Variants in ATRX observed in about 807,000 individuals in gnomAD.
ATRX encodes chromatin remodeler ATRX.
Under a neutral mutation model 172.6 loss-of-function variants are expected in ATRX, and 12 were observed. The ratio of observed to expected loss-of-function variants is 0.07; its 90% CI spans 0.04 to 0.11. The LOEUF (loss-of-function observed/expected upper bound fraction) is 0.11, where lower values mean the gene tolerates loss of function less well. Ranked by LOEUF, ATRX falls within the 10% of genes least tolerant of loss-of-function variation. The probability of loss-of-function intolerance (pLI) is 1.00; values close to 1 mark genes in which losing one functional copy is unlikely to be tolerated. For missense variants in ATRX, 1,368 were observed against 1,767.4 expected, an observed-to-expected ratio of 0.77 and a Z score of 4.05; for synonymous variants, 674 against 594.7, an observed-to-expected ratio of 1.13 and a Z score of -1.94.
At chrX:77,595,560 T>C (rs970965977) in intron 25 of ATRX, 3 of 111,378 alleles carry the variant, frequency 2.7e-5, no homozygotes, top group Non-Finnish European at 5.7e-5. Flanking sequence ...GTCGATGGGA[T>C]TGTAAACTTT....
intron 27 of ATRX, among the ~76,000 whole-genome samples, chrX:77,579,134 C>T (rs1244295116): frequency 6.2e-5 from 7 of 112,670 alleles, no homozygotes; most frequent in Non-Finnish European, 1.3e-4. Flanking sequence ...TAGAATAAAG[C>T]ACTAGGTATA....
intron 7 of ATRX, 98 bp downstream of exon 7, chrX:77,688,720 C>T: frequency 1.4e-6 from 1 of 697,657 alleles, no homozygotes; most frequent in Admixed American, 2.3e-5. Flanking sequence ...AGGGCAGATA[C>T]CATTTTCATC....
intron 22 of ATRX, chrX:77,615,913 G>T: frequency 1.4e-6 from 1 of 733,158 alleles, no homozygotes; most frequent in Non-Finnish European, 1.6e-6. Context: ...TTTGGGGAAA[G>T]GTACCAGAAT....
chrX:77,647,436 G>T (rs551536629), intron 15 of ATRX, among the ~76,000 whole-genome samples: 1 of 111,677 alleles, frequency 9.0e-6, no homozygotes, highest in East Asian at 2.8e-4. Flanking sequence ...CGAATAAAAT[G>T]GTTGATGGAT....
At chrX:77,772,708 CTT>C (rs782292856) in intron 1 of ATRX, among the ~76,000 whole-genome samples, 13 of 109,070 alleles carry the variant, frequency 1.2e-4, no homozygotes, top group Non-Finnish European at 2.1e-4. Flanking sequence ...GTCTCCATCT[CTT>C]GACCTCGTGA....
intron 1 of ATRX, among the ~76,000 whole-genome samples, chrX:77,738,101 G>A (rs2074680417): frequency 2.7e-5 from 3 of 110,876 alleles, no homozygotes; most frequent in African/African-American, 9.8e-5. Flanking sequence ...TAGGGAGGCT[G>A]AGGTGGGAAG....
intron 12 of ATRX, among the ~76,000 whole-genome samples, chrX:77,662,936 C>G (rs1489443623): frequency 8.9e-6 from 1 of 111,858 alleles, no homozygotes; most frequent in Non-Finnish European, 1.9e-5. Flanking sequence ...ACCTTGTGAT[C>G]CACCCGACTT....
At chrX:77,521,659 A>G (rs1200677345) in intron 32 of ATRX, 161 bp from the exon 33 acceptor site, 2 of 412,098 alleles carry the variant, frequency 4.9e-6, no homozygotes, top group Non-Finnish European at 8.5e-6. Context: ...GGAGTAAACC[A>G]TATCAATGCT....
intron 23 of ATRX, 106 bp downstream of exon 23, chrX:77,600,328 T>C (rs1367921566): frequency 5.4e-6 from 5 of 931,525 alleles, no homozygotes; most frequent in African/African-American, 3.9e-5. Flanking sequence ...AGACATAGAA[T>C]AGAACAAAGC....
intron 1 of ATRX, among the ~76,000 whole-genome samples, chrX:77,776,978 C>G (rs1215261843): frequency 9.1e-6 from 1 of 110,374 alleles, no homozygotes; most frequent in Non-Finnish European, 1.9e-5. Context: ...TTGTGGGCTA[C>G]TAGGTCTCTG....
At position 77,616,609 on chromosome X, in the gene ATRX, T is replaced by C. The variant is rs1424051853; in HGVS notation, c.5566+4A>G. On this transcript the variant is annotated splice_donor_region_variant and intron_variant, in intron 22 of 34. Transcript: ENST00000373344. ...AGATGAAATCAACAAGGTGTATTGT[T>C]TACCTGTTAAGTGATCTAAGTAGTA... 1 of 1,166,204 alleles carries C rather than the reference T, an allele frequency of 8.6e-7. No individual in the cohort carries two copies. Among genetic ancestry groups the C allele is most frequent in the Non-Finnish European group, 1.2e-6 (1 of 855,324 alleles).
At chrX:77,632,155 T>C (rs2068136987) in intron 19 of ATRX, among the ~76,000 whole-genome samples, 1 of 110,796 alleles carries the variant, frequency 9.0e-6, no homozygotes, top group Non-Finnish European at 1.9e-5. Flanking sequence ...TGCACCACCA[T>C]GCCCGGCCAA....
intron 1 of ATRX, among the ~76,000 whole-genome samples, chrX:77,743,110 T>G (rs1268609217): frequency 9.0e-6 from 1 of 110,734 alleles, no homozygotes; most frequent in Non-Finnish European, 1.9e-5. Context: ...CCCCCAGGAT[T>G]TGAGCACGAT....
At chrX:77,721,596 T>C (rs2073772942) in intron 1 of ATRX, among the ~76,000 whole-genome samples, 1 of 111,175 alleles carries the variant, frequency 9.0e-6, no homozygotes. Flanking sequence ...ATAAAATACC[T>C]AGGAATACAA....
At chrX:77,669,811 G>T (rs1489873704) in intron 10 of ATRX, among the ~76,000 whole-genome samples, 4 of 110,196 alleles carry the variant, frequency 3.6e-5, no homozygotes, top group Non-Finnish European at 3.8e-5. Context: ...CAATCATTCT[G>T]CCTCGGTATC....
intron 19 of ATRX, among the ~76,000 whole-genome samples, chrX:77,631,549 C>T (rs1044299349): frequency 9.0e-6 from 1 of 110,948 alleles, no homozygotes; most frequent in African/African-American, 3.3e-5. Context: ...TCATGTACCC[C>T]CGATATGAGA....
At chrX:77,742,006 C>A (rs969035504) in intron 1 of ATRX, among the ~76,000 whole-genome samples, 4 of 111,043 alleles carry the variant, frequency 3.6e-5, no homozygotes, top group Non-Finnish European at 5.7e-5. Flanking sequence ...GTTCCATGTA[C>A]ATATAGAGGG....
chrX:77,771,667 G>A (rs1315181963), intron 1 of ATRX, among the ~76,000 whole-genome samples: 1 of 110,582 alleles, frequency 9.0e-6, no homozygotes, highest in African/African-American at 3.3e-5. Flanking sequence ...CACATCTCTT[G>A]GTTTATATCT....
intron 2 of ATRX, among the ~76,000 whole-genome samples, chrX:77,700,256 T>G (rs782118860): frequency 8.9e-6 from 1 of 111,814 alleles, no homozygotes; most frequent in East Asian, 2.8e-4. Context: ...GCTCAACATG[T>G]CATTAGGGAA....
Sources: allele counts gnomAD v4.1 joint callset (sites outside exome capture counted in the v4.1 genomes callset), GRCh38; gene constraint gnomAD v4.1.1; transcripts MANE v1.5; gene names NCBI Gene and HGNC (gene_info 2026-07-23, HGNC 2026-07-21).